Variants in MYO3B observed in about 807,000 individuals in gnomAD.
MYO3B encodes myosin-IIIb.
MYO3B carries 156 observed loss-of-function variants against 174.6 expected under a neutral mutation model. The observed-to-expected ratio is 0.89, with a 90% CI of 0.78 to 1.02. The LOEUF (loss-of-function observed/expected upper bound fraction) is 1.02. Among genes scored for constraint, MYO3B ranks in the 50% least tolerant of loss-of-function variants. MYO3B has a pLI of 0.00. For synonymous variants in MYO3B, 563 were observed against 569.1 expected, an observed-to-expected ratio of 0.99 and a Z score of 0.15; for missense variants, 1,632 against 1,639.4, an observed-to-expected ratio of 1.00 and a Z score of 0.08.
chr2:170,286,204 C>T (rs1174915599), intron 7 of MYO3B, among the ~76,000 whole-genome samples: 1 of 152,130 alleles, frequency 6.6e-6, no homozygotes, highest in Non-Finnish European at 1.5e-5. Context: ...TCCAAAGCAG[C>T]CAAAGCAATG....
intron 30 of MYO3B, among the ~76,000 whole-genome samples, chr2:170,534,630 A>C (rs1441977587): frequency 6.6e-6 from 1 of 152,052 alleles, no homozygotes; most frequent in Non-Finnish European, 1.5e-5. Context: ...TGTAGAAACA[A>C]GGTCTCACTG....
At chr2:170,544,128 T>C (rs576392421) in intron 32 of MYO3B, 140 bp downstream of exon 32, 11 of 566,156 alleles carry the variant, frequency 1.9e-5, no homozygotes, top group Non-Finnish European at 3.2e-5. Context: ...CCATACATGC[T>C]GGATGTAAAA....
At chr2:170,446,244 G>A (rs2094841716) in intron 23 of MYO3B, among the ~76,000 whole-genome samples, 1 of 152,092 alleles carries the variant, frequency 6.6e-6, no homozygotes, top group Non-Finnish European at 1.5e-5. Context: ...GTGGTTTTTT[G>A]GAGTCACTGG....
intron 9 of MYO3B, among the ~76,000 whole-genome samples, chr2:170,371,765 GCA>G (rs1373417619): frequency 1.3e-5 from 2 of 151,392 alleles, no homozygotes; most frequent in Admixed American, 1.3e-4. Flanking sequence ...TCATTTTTCT[GCA>G]CAGTTATGGC....
chr2:170,527,648 C>T (rs534206525), intron 30 of MYO3B, among the ~76,000 whole-genome samples: 70 of 152,320 alleles, frequency 4.6e-4, no homozygotes, highest in African/African-American at 1.6e-3. Flanking sequence ...GATTCAGCTA[C>T]AGACCCTGGA....
At chr2:170,382,216 T>G in intron 10 of MYO3B, 104 bp downstream of exon 10, 1 of 921,512 alleles carries the variant, frequency 1.1e-6, no homozygotes, top group Non-Finnish European at 1.7e-6. Context: ...ATTTGAAAAT[T>G]TAATTGTTTG....
Position 170,459,148 on chromosome 2 carries a change from G to A in MYO3B, c.2731-4220G>A, listed in dbSNP as rs554478242. 1.9e-4 allele frequency among the ~76,000 whole-genome samples: 29 copies of A among 152,314 alleles called. No individual in the cohort carries two copies. In the East Asian group the frequency reaches 1.9e-3, roughly 10 times the overall value. On this transcript the variant is annotated intron_variant, in intron 23 of 34. Transcript: ENST00000408978. Reference sequence around the variant, plus strand: ...AGTGAGCAGCAGCAAGATTTATTGCGAAGAGTGAAAGAACAAAGCTTCCAC... The same window carrying A: ...AGTGAGCAGCAGCAAGATTTATTGCAAAGAGTGAAAGAACAAAGCTTCCAC...
intron 32 of MYO3B, among the ~76,000 whole-genome samples, chr2:170,569,630 G>A (rs556473098): frequency 6.6e-6 from 1 of 151,294 alleles, no homozygotes; most frequent in South Asian, 2.1e-4. Context: ...GGATGGCCAA[G>A]ATGGGCAGAT....
chr2:170,625,795 C>A (rs1016210423), intron 32 of MYO3B, among the ~76,000 whole-genome samples: 3 of 152,130 alleles, frequency 2.0e-5, no homozygotes, highest in African/African-American at 7.2e-5. Context: ...TTATTTCTGC[C>A]TTCATTTCGT....
At chr2:170,624,156 C>G (rs1330697546) in intron 32 of MYO3B, among the ~76,000 whole-genome samples, 1 of 152,142 alleles carries the variant, frequency 6.6e-6, no homozygotes, top group Non-Finnish European at 1.5e-5. Context: ...CTATAAATTA[C>G]CTAGGGCAGT....
chr2:170,556,457 A>C (rs577642252), intron 32 of MYO3B, among the ~76,000 whole-genome samples: 2 of 152,190 alleles, frequency 1.3e-5, no homozygotes, highest in East Asian at 3.8e-4. Context: ...TTCCTTCAGC[A>C]ATGAGTGAGA....
At chr2:170,568,705 T>C (rs1053011677) in intron 32 of MYO3B, among the ~76,000 whole-genome samples, 1 of 152,216 alleles carries the variant, frequency 6.6e-6, no homozygotes, top group East Asian at 1.9e-4. Context: ...ATGATTTCAA[T>C]TGGCTCTTGA....
chr2:170,392,290 C>G, intron 15 of MYO3B, 91 bp from the exon 16 acceptor site: 1 of 874,730 alleles, frequency 1.1e-6, no homozygotes, highest in Non-Finnish European at 1.7e-6. Flanking sequence ...GAGGTCCCAT[C>G]TTTAAACAAA....
rs559086883 is a variant in MYO3B, at chr2:170,537,448, ATTTTTTTTTT to A, written c.3576-5434_3576-5425del. Among the ~76,000 whole-genome samples, 460 of 54,818 alleles carry A rather than the reference ATTTTTTTTTT, an allele frequency of 8.4e-3. 5 individuals are homozygous for A. The highest frequency in any genetic ancestry group is 0.028 in the South Asian group (44 of 1,576). 36.0% of individuals were successfully genotyped at this position (54,818 alleles called of 152,430 possible). ...ACCTTCTCTTATTAAGAGCTCTTTG[ATTTTTTTTTT>A]TTTTTTTTTTTTTTTTTTTTTTTGG... On this transcript the variant is annotated intron_variant, in intron 30 of 34. Transcript: ENST00000408978.
chr2:170,370,006 A>G (rs1221424323), intron 9 of MYO3B, among the ~76,000 whole-genome samples: 1 of 152,100 alleles, frequency 6.6e-6, no homozygotes, highest in African/African-American at 2.4e-5. Flanking sequence ...AGATTTTTAT[A>G]CAAATGTTTA....
intron 32 of MYO3B, among the ~76,000 whole-genome samples, chr2:170,610,981 A>C (rs1172112810): frequency 1.3e-5 from 2 of 152,244 alleles, no homozygotes; most frequent in Non-Finnish European, 2.9e-5. Flanking sequence ...CTCTGAACCA[A>C]GTAGTTGCAG....
At position 170,514,987 on chromosome 2, in the gene MYO3B, A is replaced by C; in HGVS notation, c.3437A>C (p.Glu1146Ala). 1 of 1,614,102 alleles carries C rather than the reference A, an allele frequency of 6.2e-7. No individual in the cohort carries two copies. Among genetic ancestry groups the C allele is most frequent in the Non-Finnish European group, 8.5e-7 (1 of 1,179,960 alleles). Residue 1146 changes from glutamate (E) to alanine (A), a missense_variant, in exon 29 of 35, where the codon GAG becomes GCG. Physicochemically the swap from Glu to Ala is moderately radical, Grantham distance 107 (BLOSUM62 -1). Transcript: ENST00000408978. ...PVAAGTRGSAEVQDCSEPGDH... is the reference protein window; with the variant it reads ...PVAAGTRGSAAVQDCSEPGDH... ...GCAGCAGGTACGAGGGGAAGTGCCG[A>C]GGTTCAAGACTGCAGCGAGCCTGGT...
At chr2:170,509,741 A>T (rs1436574780) in intron 28 of MYO3B, among the ~76,000 whole-genome samples, 1 of 152,200 alleles carries the variant, frequency 6.6e-6, no homozygotes, top group African/African-American at 2.4e-5. Flanking sequence ...AGCAAGTTCC[A>T]TTGTCACCCT....
At chr2:170,592,370 C>T (rs557359946) in intron 32 of MYO3B, among the ~76,000 whole-genome samples, 1 of 152,172 alleles carries the variant, frequency 6.6e-6, no homozygotes, top group East Asian at 1.9e-4. Context: ...AAGACCATTC[C>T]CTACACCCTG....
Sources: gnomAD v4.1 joint callset for allele counts (sites outside exome capture counted in the v4.1 genomes callset) on GRCh38, gnomAD v4.1.1 for gene constraint, MANE v1.5 for transcripts, NCBI Gene and HGNC (gene_info 2026-07-23, HGNC 2026-07-21) for gene names.